Variants in CD109 observed in about 807,000 individuals in gnomAD.
CD109 encodes CD109 antigen.
Under a neutral mutation model 165.8 loss-of-function variants are expected in CD109, and 149 were observed. The ratio of observed to expected loss-of-function variants is 0.90; its 90% CI spans 0.79 to 1.03. The LOEUF (loss-of-function observed/expected upper bound fraction) is 1.03. Ranked by LOEUF, CD109 falls within the 50% of genes least tolerant of loss-of-function variation. CD109 has a pLI of 0.00. For missense variants in CD109, 1,712 were observed against 1,677.8 expected (o/e 1.02, Z -0.36); for synonymous variants, 585 against 592.1 (o/e 0.99, Z 0.18).
At chr6:73,722,788 T>C (rs1772007903) in intron 2 of CD109, among the ~76,000 whole-genome samples, 1 of 152,180 alleles carries the variant, frequency 6.6e-6, no homozygotes, top group Non-Finnish European at 1.5e-5. Context: ...AAAGTCTGCA[T>C]CACCCCAGTA....
chr6:73,737,370 ACT>A (rs1310780425), intron 5 of CD109, among the ~76,000 whole-genome samples: 3 of 151,952 alleles, frequency 2.0e-5, no homozygotes, highest in African/African-American at 7.3e-5. Flanking sequence ...GGCACAATGG[ACT>A]CTCAATATTT....
intron 4 of CD109, among the ~76,000 whole-genome samples, 191 bp downstream of exon 4, chr6:73,730,765 T>G (rs1264452341): frequency 6.6e-6 from 1 of 151,992 alleles, no homozygotes; most frequent in Non-Finnish European, 1.5e-5. Context: ...GCCTCTAGAG[T>G]CAACCTGCTT....
At chr6:73,690,966 C>T (rs1352359822), upstream of CD109, among the ~76,000 whole-genome samples, 1 of 151,966 alleles carries the variant, frequency 6.6e-6, no homozygotes, top group Non-Finnish European at 1.5e-5. Flanking sequence ...ATTTTGTGTA[C>T]TGAGCAGCTA....
chr6:73,784,709 C>T (rs998084745), intron 19 of CD109, among the ~76,000 whole-genome samples: 4 of 152,142 alleles, frequency 2.6e-5, no homozygotes, highest in Non-Finnish European at 5.9e-5. Flanking sequence ...TAGGACTTGG[C>T]CAACAATATC....
intron 19 of CD109, among the ~76,000 whole-genome samples, chr6:73,785,034 C>G (rs535879319): frequency 6.6e-6 from 1 of 152,144 alleles, no homozygotes; most frequent in Non-Finnish European, 1.5e-5. Flanking sequence ...TTACAAAAAT[C>G]TCAAAAATTT....
rs1554169979 is a variant in CD109, at chr6:73,729,491, G to GTTATCA, written c.277-849_277-848insCATTAT. 2.8e-5 allele frequency among the ~76,000 whole-genome samples: 4 copies of GTTATCA among 142,040 alleles called. No individual in the cohort carries two copies. The Admixed American group carries it at 2.8e-4, about 10-fold the overall frequency. 93.2% of individuals were successfully genotyped at this position (142,040 alleles called of 152,430 possible). A position where few individuals can be genotyped will look rare whatever the true frequency, so the allele number is the denominator to read the frequency against. On this transcript the variant is annotated intron_variant, in intron 3 of 32. Transcript: ENST00000287097. Reference sequence around the variant, plus strand: ...AATGCTAGAAGGTAGGACTTCTATTGTTATTATTATTATTATTATTATTAT... The same window carrying GTTATCA: ...AATGCTAGAAGGTAGGACTTCTATTGTTATCATTATTATTATTATTATTATTATTAT...
chr6:73,804,283 C>T (rs548689967), intron 24 of CD109, among the ~76,000 whole-genome samples: 1 of 152,324 alleles, frequency 6.6e-6, no homozygotes, highest in South Asian at 2.1e-4. Context: ...TGGCCTTGGC[C>T]TGACTCAGGA....
chr6:73,774,787 A>G (rs1562060361), intron 15 of CD109, among the ~76,000 whole-genome samples: 1 of 152,076 alleles, frequency 6.6e-6, no homozygotes, highest in Non-Finnish European at 1.5e-5. Flanking sequence ...GACTGAAGCG[A>G]TGCACTTTCT....
In CD109 at chr6:73,815,050, G is replaced by A; in HGVS notation, c.3838G>A (p.Ala1280Thr). The A allele has an allele frequency of 3.8e-6, 6 of 1,588,168 alleles. No homozygotes were observed. The highest frequency in any genetic ancestry group is 5.1e-6 in the Non-Finnish European group (6 of 1,170,470). The change falls in exon 30 of 33, where the codon GCC (alanine) becomes ACC (threonine). Residue 1280 changes from alanine (A) to threonine (T), a missense_variant. Ala to Thr is a moderately conservative substitution (Grantham distance 58). Coordinates refer to ENST00000287097, the MANE Select transcript of CD109 (RefSeq NM_133493.5). Reference protein sequence around the residue: ...RRRRSIQNQEAFDLDVAVKEN... With the variant: ...RRRRSIQNQETFDLDVAVKEN... ...ACGAAGATCTATCCAAAATCAAGAA[G>A]CCTTTGATTTAGATGTTGCTGTAAA...
chr6:73,781,846 A>G (rs1341876564), intron 17 of CD109, among the ~76,000 whole-genome samples: 3 of 81,412 alleles, frequency 3.7e-5, no homozygotes, highest in Non-Finnish European at 5.2e-5. Context: ...CCCCTCATCA[A>G]TCTGAGTTCT....
At chr6:73,729,497 A>G (rs200715182) in intron 3 of CD109, among the ~76,000 whole-genome samples, 17 of 63,978 alleles carry the variant, frequency 2.7e-4, no homozygotes, top group South Asian at 3.5e-4. Flanking sequence ...TATTGTTATT[A>G]TTATTATTAT....
At chr6:73,707,116 T>C (rs1771302585) in intron 2 of CD109, among the ~76,000 whole-genome samples, 2 of 152,178 alleles carry the variant, frequency 1.3e-5, no homozygotes, top group Non-Finnish European at 2.9e-5. Context: ...TTATAGAGGC[T>C]TGTTCGGGTG....
intron 11 of CD109, 138 bp from the exon 12 acceptor site, chr6:73,766,621 T>A: frequency 1.6e-6 from 1 of 616,002 alleles, no homozygotes; most frequent in Admixed American, 2.9e-5. Flanking sequence ...GAAAATCCAA[T>A]GTCTGGTGAA....
At chr6:73,822,923 T>G (rs1776148154) in intron 32 of CD109, among the ~76,000 whole-genome samples, 1 of 152,246 alleles carries the variant, frequency 6.6e-6, no homozygotes, top group Non-Finnish European at 1.5e-5. Flanking sequence ...ATAGGTACTT[T>G]AAGTAGTTTT....
At position 73,814,987 on chromosome 6, in the gene CD109, G is replaced by T; in HGVS notation, c.3775G>T (p.Val1259Phe). The T allele has an allele frequency of 6.5e-7, 1 of 1,540,742 alleles. No homozygotes were observed. Among genetic ancestry groups the T allele is most frequent in the Admixed American group, 2.4e-5 (1 of 40,860 alleles). The change falls in exon 30 of 33, where the codon GTT becomes TTT. Residue 1259 changes from valine to phenylalanine, a missense_variant. Physicochemically the swap from Val to Phe is conservative, Grantham distance 50 (BLOSUM62 -1). Coordinates refer to ENST00000287097, the MANE Select transcript of CD109 (RefSeq NM_133493.5). Reference sequence around the variant, plus strand: ...GCTAGTTTATTTTTTACAGCTCAATGTTGTATATAATGTGAAGGCTTCTGG... The same window carrying T: ...GCTAGTTTATTTTTTACAGCTCAATTTTGTATATAATGTGAAGGCTTCTGG... Reference protein sequence around the residue: ...GFGFAICQLNVVYNVKASGSS... With the variant: ...GFGFAICQLNFVYNVKASGSS...
chr6:73,719,119 G>A (rs954131518), intron 2 of CD109, among the ~76,000 whole-genome samples: 2 of 151,838 alleles, frequency 1.3e-5, no homozygotes, highest in African/African-American at 4.8e-5. Flanking sequence ...CATTTTTTTG[G>A]TTGTAAGTCT....
rs41266749 is a variant in CD109 at position 73,803,525 on chromosome 6, T to G, written c.2960+224T>G. Reference sequence around the variant, plus strand: ...AAAGATAAGTTATAAATCCTCTTTTTTGTGTGTGTGTGTGTGTGGAAGAAA... The same window carrying G: ...AAAGATAAGTTATAAATCCTCTTTTGTGTGTGTGTGTGTGTGTGGAAGAAA... On this transcript the variant is annotated intron_variant, in intron 24 of 32. Coordinates refer to ENST00000287097, the MANE Select transcript of CD109 (RefSeq NM_133493.5). Among the ~76,000 whole-genome samples the G allele has an allele frequency of 3.6e-3, 547 of 151,232 alleles. 1 individual carries two copies. The highest frequency in any genetic ancestry group is 0.012 in the African/African-American group (484 of 41,224).
At position 73,762,725 on chromosome 6, in the gene CD109, C is replaced by G. The variant is rs1225150609; in HGVS notation, c.856-16C>G. 3.2e-6 allele frequency: 5 copies of G among 1,581,686 alleles called. No homozygotes were observed. In the African/African-American group the frequency reaches 5.4e-5, roughly 17 times the overall value. Reference sequence around the variant, plus strand: ...TGCTAAAATGGTAAATAATACTGAACTTTTAAACAAAACAGATAAATGGAT... The same window carrying G: ...TGCTAAAATGGTAAATAATACTGAAGTTTTAAACAAAACAGATAAATGGAT... On this transcript the variant is annotated splice_polypyrimidine_tract_variant and intron_variant, in intron 8 of 32. Transcript: ENST00000287097.
At chr6:73,806,777 T>C in intron 24 of CD109, 67 bp from the exon 25 acceptor site, 2 of 1,091,350 alleles carry the variant, frequency 1.8e-6, no homozygotes, top group East Asian at 5.1e-5. Context: ...GTTGTTTTGC[T>C]TGCTCGGTGT....
Sources: allele counts gnomAD v4.1 joint callset (sites outside exome capture counted in the v4.1 genomes callset), GRCh38; gene constraint gnomAD v4.1.1; transcripts MANE v1.5; gene names NCBI Gene and HGNC (gene_info 2026-07-23, HGNC 2026-07-21).